Variants in TMEM131 observed in about 807,000 individuals in gnomAD.
TMEM131 encodes 2610524E03Rik.
A neutral mutation model predicts 211.6 loss-of-function variants in TMEM131; 66 were observed. The ratio of observed to expected loss-of-function variants is 0.31; its 90% CI spans 0.26 to 0.38. The LOEUF is 0.38. Among genes scored for constraint, TMEM131 ranks in the 10% least tolerant of loss-of-function variants. TMEM131 has a pLI of 1.00. For synonymous variants in TMEM131, 844 were observed against 841.3 expected, an observed-to-expected ratio of 1.00 and a Z score of -0.06; for missense variants, 2,036 against 2,299.3, an observed-to-expected ratio of 0.89 and a Z score of 2.34.
At chr2:97,766,652 AG>A (rs767729652) in intron 33 of TMEM131, 50 bp from the exon 34 acceptor site, 14 of 1,598,882 alleles carry the variant, frequency 8.8e-6, no homozygotes, top group Non-Finnish European at 1.2e-5. Context: ...TCTGTTTTGG[AG>A]GACAGAAGTC....
intron 2 of TMEM131, among the ~76,000 whole-genome samples, chr2:97,914,408 T>G (rs1676421419): frequency 6.6e-6 from 1 of 152,330 alleles, no homozygotes; most frequent in Non-Finnish European, 1.5e-5. Context: ...TCATTTGTGT[T>G]TGTTCATGTA....
At chr2:97,897,768 T>C (rs1028819939) in intron 3 of TMEM131, among the ~76,000 whole-genome samples, 4 of 152,150 alleles carry the variant, frequency 2.6e-5, no homozygotes, top group Non-Finnish European at 4.4e-5. Flanking sequence ...TCCTCTTTTC[T>C]AAAAGCGTTT....
At chr2:97,777,980 A>T (rs1473903559) in intron 31 of TMEM131, among the ~76,000 whole-genome samples, 2 of 152,214 alleles carry the variant, frequency 1.3e-5, no homozygotes, top group East Asian at 1.9e-4. Flanking sequence ...ACATTCTGAG[A>T]GTTCAACAGC....
rs1682976163 is a variant in TMEM131, at chr2:97,837,113, G to C, written c.768C>G (p.Leu256=). The C allele has an allele frequency of 6.2e-7, 1 of 1,611,418 alleles. No homozygotes were observed. ...TGGTACCTCCTTGTTGACCCGTTGG[G>C]AGTTCTAGGTGAAGGTCTCCTCCAC... ...YSSGGDLHLE[L]PTGQQGGTRK... is the part of the protein sequence containing the mutation. The change falls in exon 8 of 41, where the codon CTC becomes CTG. Residue 256 remains leucine (L), a synonymous_variant. Transcript: ENST00000186436.
At chr2:97,953,156 T>C (rs536407818) in intron 1 of TMEM131, among the ~76,000 whole-genome samples, 2 of 152,300 alleles carry the variant, frequency 1.3e-5, no homozygotes, top group East Asian at 3.9e-4. Context: ...GTTTCTTAAA[T>C]CATACTGACG....
At chr2:97,874,095 G>A (rs907440816) in intron 4 of TMEM131, among the ~76,000 whole-genome samples, 1 of 152,120 alleles carries the variant, frequency 6.6e-6, no homozygotes, top group East Asian at 1.9e-4. Flanking sequence ...TTCAACAGCC[G>A]AATTGGTCAA....
chr2:97,850,406 G>A (rs991081701), intron 5 of TMEM131, among the ~76,000 whole-genome samples: 1 of 151,960 alleles, frequency 6.6e-6, no homozygotes, highest in Admixed American at 6.6e-5. Flanking sequence ...AGAGGTGTGT[G>A]GTCTGAATAC....
intron 1 of TMEM131, among the ~76,000 whole-genome samples, chr2:97,950,066 T>C (rs1160024763): frequency 6.6e-6 from 1 of 152,186 alleles, no homozygotes; most frequent in Non-Finnish European, 1.5e-5. Flanking sequence ...GTGAGGATGA[T>C]GGCTACCAAT....
intron 1 of TMEM131, among the ~76,000 whole-genome samples, chr2:97,943,017 AAAAGAAAAGAAAAGAAAAGAAAAGAAAG>A (rs1677832947): frequency 2.3e-5 from 1 of 43,286 alleles, no homozygotes; most frequent in Non-Finnish European, 4.8e-5. Context: ...GAAAGAAAAG[AAAAGAAAAGAAAAGAAAAGAAAAGAAAG>A]AAAGAAAGAA....
intron 35 of TMEM131, chr2:97,764,848 G>T: frequency 6.6e-6 from 1 of 152,362 alleles, no homozygotes; most frequent in Non-Finnish European, 1.5e-5. Flanking sequence ...CCAGTTTGTG[G>T]CTGTGTCTGG....
intron 4 of TMEM131, among the ~76,000 whole-genome samples, chr2:97,887,497 C>T (rs1187685192): frequency 6.6e-6 from 1 of 152,134 alleles, no homozygotes; most frequent in African/African-American, 2.4e-5. Flanking sequence ...GCTTTGCTGG[C>T]CCTTGGGTAT....
chr2:97,830,589 A>T (rs1682630406), intron 11 of TMEM131, among the ~76,000 whole-genome samples: 1 of 152,252 alleles, frequency 6.6e-6, no homozygotes, highest in Non-Finnish European at 1.5e-5. Context: ...AGTTCACTAA[A>T]GCATATGTTA....
At chr2:97,955,677 A>G (rs1678535350) in intron 1 of TMEM131, among the ~76,000 whole-genome samples, 1 of 152,202 alleles carries the variant, frequency 6.6e-6, no homozygotes. Context: ...CCAAAAAGTT[A>G]AAAACAAGAC....
intron 31 of TMEM131, among the ~76,000 whole-genome samples, chr2:97,776,751 G>C (rs1193397460): frequency 6.6e-6 from 1 of 152,238 alleles, no homozygotes; most frequent in Non-Finnish European, 1.5e-5. Flanking sequence ...AGCCACTCAA[G>C]TGCTTCCCTT....
At chr2:97,766,799 T>C (rs541355762) in intron 33 of TMEM131, among the ~76,000 whole-genome samples, 197 bp from the exon 34 acceptor site, 2 of 152,188 alleles carry the variant, frequency 1.3e-5, no homozygotes, top group Non-Finnish European at 2.9e-5. Context: ...CCAGCAGACA[T>C]TCAGCACTTG....
At chr2:97,874,142 A>C (rs1322084728) in intron 4 of TMEM131, among the ~76,000 whole-genome samples, 1 of 151,978 alleles carries the variant, frequency 6.6e-6, no homozygotes, top group Non-Finnish European at 1.5e-5. Context: ...AGATCAACTT[A>C]ATGAAATAAA....
At chr2:97,893,757 G>C (rs1675483931) in intron 3 of TMEM131, among the ~76,000 whole-genome samples, 1 of 151,232 alleles carries the variant, frequency 6.6e-6, no homozygotes, top group African/African-American at 2.4e-5. Flanking sequence ...GTAAATTTAA[G>C]TTCTTTGTAG....
At position 97,792,474 on chromosome 2, in the gene TMEM131, T is replaced by G; in HGVS notation, c.4056A>C (p.Glu1352Asp). 8.1e-6 allele frequency: 13 copies of G among 1,613,798 alleles called. No homozygotes were observed. Among genetic ancestry groups the G allele is most frequent in the Non-Finnish European group, 1.0e-5 (12 of 1,179,822 alleles). ...GGTGGTCGAAGTCTTTGTCCATGGC[T>G]TCTATGAGACTGGTGATGTCCGAGT... ...SEDSDITSLI[E>D]AMDKDFDHHD... The change falls in exon 31 of 41, where the codon GAA becomes GAC. Residue 1352 changes from glutamate (E) to aspartate (D), a missense_variant. Transcript: ENST00000186436.
intron 4 of TMEM131, among the ~76,000 whole-genome samples, chr2:97,863,143 T>C (rs1674135193): frequency 6.6e-6 from 1 of 152,138 alleles, no homozygotes; most frequent in African/African-American, 2.4e-5. Context: ...CCTAGAATAG[T>C]ATATCTGGCA....
Sources: allele counts gnomAD v4.1 joint callset (sites outside exome capture counted in the v4.1 genomes callset), GRCh38; gene constraint gnomAD v4.1.1; transcripts MANE v1.5; gene names NCBI Gene and HGNC (gene_info 2026-07-23, HGNC 2026-07-21).